The following ZC3H12B variants were observed in gnomAD, a reference collection of about 807,000 sequenced individuals.
ZC3H12B encodes the protein zinc finger CCCH-type containing 12B, also known as probable ribonuclease ZC3H12B.
ZC3H12B carries 7 observed loss-of-function variants against 43.9 expected under a neutral mutation model. The observed-to-expected ratio is 0.16, with a 90% CI of 0.09 to 0.30. The LOEUF (loss-of-function observed/expected upper bound fraction) is 0.30, where lower values mean the gene tolerates loss of function less well. Ranked by LOEUF, ZC3H12B falls within the 10% of genes least tolerant of loss-of-function variation. The pLI, the probability that ZC3H12B is intolerant of heterozygous loss-of-function variation, is 1.00. For synonymous variants in ZC3H12B, 222 were observed against 241.7 expected, an observed-to-expected ratio of 0.92 and a Z score of 0.76; for missense variants, 475 against 670.2, an observed-to-expected ratio of 0.71 and a Z score of 3.22.
At chrX:65,193,109 GTT>G in the ZC3H12B span, among the ~76,000 whole-genome samples, 105 of 97,208 alleles carry the variant, frequency 1.1e-3, no homozygotes, top group East Asian at 0.012. Flanking sequence ...TGGCCTGAAG[GTT>G]TTTTTTTTTT....
the ZC3H12B span, among the ~76,000 whole-genome samples, chrX:65,148,622 C>T: frequency 9.0e-6 from 1 of 111,246 alleles, no homozygotes; most frequent in Non-Finnish European, 1.9e-5. Flanking sequence ...AAGTCTAGTG[C>T]TCCTTTCCCT....
chrX:65,393,871 G>T (rs182149422), intron 2 of ZC3H12B, among the ~76,000 whole-genome samples: 101 of 112,009 alleles, frequency 9.0e-4, no homozygotes, highest in Non-Finnish European at 1.7e-3. Flanking sequence ...ATTGTTTCCA[G>T]ACTTTTTAAT....
the ZC3H12B span, among the ~76,000 whole-genome samples, chrX:65,188,819 AAG>A: frequency 3.1e-5 from 3 of 98,055 alleles, no homozygotes; most frequent in African/African-American, 1.1e-4. Context: ...TTTTTTATTT[AAG>A]TTTTAGGGTA....
At chrX:65,416,714 G>C (rs768291216) in intron 3 of ZC3H12B, among the ~76,000 whole-genome samples, 3 of 108,539 alleles carry the variant, frequency 2.8e-5, no homozygotes, top group Non-Finnish European at 5.7e-5. Context: ...GGTGTGAACC[G>C]GAAGGCGGAG....
chrX:65,459,405 A>G (rs957065670), intron 3 of ZC3H12B, among the ~76,000 whole-genome samples: 4 of 111,686 alleles, frequency 3.6e-5, no homozygotes, highest in Non-Finnish European at 7.5e-5. Flanking sequence ...ACACAACAAA[A>G]AAACGGAATT....
chrX:65,382,675 A>C (rs1428105082), intron 2 of ZC3H12B, among the ~76,000 whole-genome samples: 1 of 111,844 alleles, frequency 8.9e-6, no homozygotes, highest in Admixed American at 9.5e-5. Context: ...CCGTGTTTGC[A>C]GATGACATGA....
At chrX:65,453,524 C>T (rs1250133636) in intron 3 of ZC3H12B, among the ~76,000 whole-genome samples, 2 of 104,890 alleles carry the variant, frequency 1.9e-5, no homozygotes, top group African/African-American at 6.9e-5. Context: ...AGTTCAAGAT[C>T]GGCCTAGTCA....
At chrX:65,432,381 G>C (rs755741605) in intron 3 of ZC3H12B, among the ~76,000 whole-genome samples, 19 of 111,622 alleles carry the variant, frequency 1.7e-4, no homozygotes, top group Non-Finnish European at 2.4e-4. Context: ...GCAGTGACTT[G>C]CTCCAAAATT....
At chrX:65,120,635 T>C in the ZC3H12B span, among the ~76,000 whole-genome samples, 1 of 111,302 alleles carries the variant, frequency 9.0e-6, no homozygotes, top group African/African-American at 3.3e-5. Context: ...TTGAATACCC[T>C]TTATTTCCTT....
chrX:65,222,339 G>A, the ZC3H12B span, among the ~76,000 whole-genome samples: 1 of 110,622 alleles, frequency 9.0e-6, no homozygotes, highest in South Asian at 3.8e-4. Context: ...AGTAGTAGAA[G>A]TCCTAGACAG....
At chrX:65,268,835 C>CA in the ZC3H12B span, among the ~76,000 whole-genome samples, 2 of 111,639 alleles carry the variant, frequency 1.8e-5, no homozygotes, top group Non-Finnish European at 3.8e-5. Flanking sequence ...TAATACAAGG[C>CA]AAAAATGCCC....
the ZC3H12B span, among the ~76,000 whole-genome samples, chrX:65,150,270 T>C: frequency 3.6e-5 from 4 of 111,543 alleles, no homozygotes; most frequent in Admixed American, 9.6e-5. Flanking sequence ...ACATTACTCA[T>C]TTATTGCTAG....
At chrX:65,121,020 A>C in the ZC3H12B span, among the ~76,000 whole-genome samples, 1 of 111,124 alleles carries the variant, frequency 9.0e-6, no homozygotes, top group Non-Finnish European at 1.9e-5. Flanking sequence ...ATGGTGGATA[A>C]GCTTTTTGAT....
the ZC3H12B span, among the ~76,000 whole-genome samples, chrX:65,144,879 G>C: frequency 9.0e-6 from 1 of 111,511 alleles, no homozygotes; most frequent in Non-Finnish European, 1.9e-5. Context: ...GGTTTGTTTT[G>C]TGGCCTATCA....
At chrX:65,385,566 TTC>T (rs1274143377) in intron 2 of ZC3H12B, among the ~76,000 whole-genome samples, 1 of 112,131 alleles carries the variant, frequency 8.9e-6, no homozygotes, top group Non-Finnish European at 1.9e-5. Context: ...TGATGGGGTT[TTC>T]TAAATATACA....
At chrX:65,203,726 G>T in the ZC3H12B span, among the ~76,000 whole-genome samples, 1 of 111,477 alleles carries the variant, frequency 9.0e-6, no homozygotes, top group Non-Finnish European at 1.9e-5. Flanking sequence ...GCACTGTCTT[G>T]GTCACCCTGG....
At chrX:65,292,659 C>T in the ZC3H12B span, among the ~76,000 whole-genome samples, 1 of 108,781 alleles carries the variant, frequency 9.2e-6, no homozygotes, top group Non-Finnish European at 1.9e-5. Context: ...AATATATATT[C>T]TCAGTTTACT....
the ZC3H12B span, among the ~76,000 whole-genome samples, chrX:65,206,867 AAAG>A: frequency 3.6e-5 from 4 of 111,394 alleles, no homozygotes; most frequent in African/African-American, 1.3e-4. Context: ...ACAATTTGCA[AAAG>A]AAGATATAGC....
chrX:65,292,096 A>G, the ZC3H12B span, among the ~76,000 whole-genome samples: 1 of 111,936 alleles, frequency 8.9e-6, no homozygotes, highest in East Asian at 2.8e-4. Flanking sequence ...TAAAAGTTCT[A>G]TATTATAAAT....
Sources: gnomAD v4.1 joint callset for allele counts (sites outside exome capture counted in the v4.1 genomes callset) on GRCh38, gnomAD v4.1.1 for gene constraint, MANE v1.5 for transcripts, NCBI Gene and HGNC (gene_info 2026-07-23, HGNC 2026-07-21) for gene names.